The following AOPEP variants were observed in gnomAD, a reference collection of about 807,000 sequenced individuals.
AOPEP encodes the protein aminopeptidase O (putative), also known as aminopeptidase O.
AOPEP carries 77 observed loss-of-function variants against 98.1 expected under a neutral mutation model. That is an observed-to-expected ratio of 0.78 (90% CI 0.65 to 0.95). The LOEUF is 0.95. Ranked by LOEUF, AOPEP falls within the 40% of genes least tolerant of loss-of-function variation. The pLI is 0.00. For synonymous variants in AOPEP, 346 were observed against 365.3 expected (o/e 0.95, Z 0.60); for missense variants, 1,024 against 1,024.7 (o/e 1.00, Z 0.01).
intron 3 of AOPEP, among the ~76,000 whole-genome samples, chr9:94,780,954 A>C (rs1843111952): frequency 6.6e-6 from 1 of 152,236 alleles, no homozygotes; most frequent in South Asian, 2.1e-4. Flanking sequence ...CAGGGAACAG[A>C]AATCAGAAGA....
At chr9:94,890,076 G>C (rs919168036) in intron 5 of AOPEP, among the ~76,000 whole-genome samples, 1 of 150,848 alleles carries the variant, frequency 6.6e-6, no homozygotes, top group African/African-American at 2.4e-5. Context: ...CCAGGCTGGA[G>C]TGCAGTGGTG....
intron 7 of AOPEP, among the ~76,000 whole-genome samples, chr9:94,948,100 A>T (rs1293640080): frequency 2.0e-5 from 3 of 152,032 alleles, no homozygotes; most frequent in Non-Finnish European, 2.9e-5. Context: ...TATTCATTGG[A>T]CCCTCAGTTC....
chr9:94,941,755 A>G (rs2057033082), intron 7 of AOPEP, among the ~76,000 whole-genome samples: 1 of 152,220 alleles, frequency 6.6e-6, no homozygotes, highest in Non-Finnish European at 1.5e-5. Flanking sequence ...AGAATTCTCC[A>G]TAGACCCCTA....
intron 5 of AOPEP, among the ~76,000 whole-genome samples, chr9:94,919,123 C>G (rs1232812619): frequency 6.6e-6 from 1 of 152,084 alleles, no homozygotes; most frequent in Non-Finnish European, 1.5e-5. Context: ...ACTATGTTGG[C>G]CAGGCTGGTC....
At chr9:95,111,013 T>G in the AOPEP span, 1 of 1,436,470 alleles carries the variant, frequency 7.0e-7, no homozygotes, top group African/African-American at 1.4e-5. Context: ...ATCTGTTGAC[T>G]GATCCAAGAA....
At chr9:94,840,370 C>T (rs140401819) in intron 5 of AOPEP, among the ~76,000 whole-genome samples, 2 of 152,042 alleles carry the variant, frequency 1.3e-5, no homozygotes, top group African/African-American at 2.4e-5. Flanking sequence ...ATGTATTATT[C>T]TTCTTATATA....
chr9:94,752,710 A>G (rs907885485), intron 1 of AOPEP, among the ~76,000 whole-genome samples: 4 of 152,226 alleles, frequency 2.6e-5, no homozygotes, highest in African/African-American at 9.6e-5. Flanking sequence ...TGGCCATAAC[A>G]ATATCTACCA....
Position 94,760,547 on chromosome 9 carries a change from G to A in AOPEP, c.764G>A (p.Arg255Gln), listed in dbSNP as rs16911681. Residue 255 changes from arginine to glutamine, a missense_variant, in exon 2 of 17, where the codon CGA becomes CAA. Arg to Gln is a conservative substitution (Grantham distance 43, BLOSUM62 1). Around this residue, in one of 3 missense-constraint regions of AOPEP, gnomAD observed 440 missense variants for 433.8 expected, o/e 1.01. Transcript: ENST00000375315. ...TGGTACAAAACTAAACCTGAAGGGC[G>A]ATCGGTTACATGGACCTCAGACCAG... is the stretch of plus-strand genomic sequence containing the variant. The part of the protein sequence containing the change: ...RIWYKTKPEG[R>Q]SVTWTSDQSG... The A allele has an allele frequency of 7.2e-3, 11,240 of 1,560,146 alleles. 401 individuals are homozygous for A. In the Admixed American group the frequency reaches 0.077, roughly 11 times the overall value.
chr9:95,054,297 T>TGGACACA (rs1317003629), intron 13 of AOPEP, among the ~76,000 whole-genome samples: 1 of 152,062 alleles, frequency 6.6e-6, no homozygotes, highest in Non-Finnish European at 1.5e-5. Flanking sequence ...GTTGGGGAGG[T>TGGACACA]GGACACAAGG....
chr9:94,927,480 C>T (rs1253102781), intron 6 of AOPEP, among the ~76,000 whole-genome samples: 1 of 152,178 alleles, frequency 6.6e-6, no homozygotes, highest in African/African-American at 2.4e-5. Flanking sequence ...AAGCACATCA[C>T]ACACTTCCTG....
intron 1 of AOPEP, among the ~76,000 whole-genome samples, chr9:94,758,632 C>T (rs539025817): frequency 3.4e-4 from 52 of 152,200 alleles, no homozygotes; most frequent in African/African-American, 1.1e-3. Context: ...TTTAGAAATA[C>T]GAAAATTATT....
chr9:94,839,835 G>C (rs532963432), intron 5 of AOPEP, among the ~76,000 whole-genome samples: 12 of 152,100 alleles, frequency 7.9e-5, no homozygotes, highest in African/African-American at 2.4e-4. Flanking sequence ...GTGGTACAAT[G>C]ATAGCTCACT....
chr9:94,938,914 C>G (rs529814380), intron 7 of AOPEP, among the ~76,000 whole-genome samples: 39 of 152,150 alleles, frequency 2.6e-4, no homozygotes, highest in Admixed American at 3.9e-4. Flanking sequence ...GCCTAAAGAT[C>G]TGACTGAATT....
chr9:95,057,374 A>G (rs1289129766), intron 13 of AOPEP, among the ~76,000 whole-genome samples: 1 of 152,208 alleles, frequency 6.6e-6, no homozygotes, highest in East Asian at 1.9e-4. Flanking sequence ...TCCACATAGC[A>G]TGTCCCACTC....
chr9:95,052,854 C>CTGTG (rs2066500233), intron 13 of AOPEP, among the ~76,000 whole-genome samples: 1 of 152,168 alleles, frequency 6.6e-6, no homozygotes, highest in African/African-American at 2.4e-5. Flanking sequence ...CTGTTTGACA[C>CTGTG]TGTGCTTCCT....
chr9:94,778,300 C>A (rs1421009639), intron 3 of AOPEP, among the ~76,000 whole-genome samples: 3 of 152,066 alleles, frequency 2.0e-5, no homozygotes, highest in Non-Finnish European at 4.4e-5. Context: ...AGTATTTACC[C>A]AAGAGAAATG....
intron 5 of AOPEP, among the ~76,000 whole-genome samples, chr9:94,828,175 C>G (rs1306035332): frequency 6.6e-6 from 1 of 152,166 alleles, no homozygotes; most frequent in African/African-American, 2.4e-5. Context: ...GCTTCATTTT[C>G]TTGATAGTGT....
At chr9:95,048,366 G>T (rs78263757) in intron 13 of AOPEP, among the ~76,000 whole-genome samples, 2 of 150,868 alleles carry the variant, frequency 1.3e-5, no homozygotes, top group African/African-American at 4.9e-5. Context: ...GTACCTTGTT[G>T]AAGTGCTGAG....
At chr9:94,777,431 C>CAAA (rs949209063) in intron 3 of AOPEP, among the ~76,000 whole-genome samples, 1 of 92,006 alleles carries the variant, frequency 1.1e-5, no homozygotes, top group Non-Finnish European at 2.2e-5. Context: ...GACTCCATCT[C>CAAA]AAAAAAAAAA....
Sources: allele counts gnomAD v4.1 joint callset (sites outside exome capture counted in the v4.1 genomes callset), GRCh38; gene constraint gnomAD v4.1.1; regional missense constraint gnomAD v4.1.1; transcripts MANE v1.5; gene names NCBI Gene and HGNC (gene_info 2026-07-23, HGNC 2026-07-21).